The following HEG1 variants were observed in gnomAD, a reference collection of about 807,000 sequenced individuals.
The protein encoded by HEG1 is protein HEG homolog 1.
A neutral mutation model predicts 125.6 loss-of-function variants in HEG1; 56 were observed. That is an observed-to-expected ratio of 0.45 (90% confidence interval 0.36 to 0.56). The LOEUF is 0.56. HEG1 is among the 20% of genes least tolerant of loss of function. HEG1 has a pLI of 0.00. For synonymous variants in HEG1, 644 were observed against 668.5 expected (o/e 0.96, Z 0.57); for missense variants, 1,523 against 1,670.0 (o/e 0.91, Z 1.53).
intron 15 of HEG1, among the ~76,000 whole-genome samples, chr3:124,976,504 T>C (rs1936544050): frequency 6.6e-6 from 1 of 152,092 alleles, no homozygotes; most frequent in Admixed American, 6.6e-5. Flanking sequence ...TCTATTTTTT[T>C]TTTTTTTAAT....
chr3:125,011,056 A>T (rs1937150905), intron 6 of HEG1, among the ~76,000 whole-genome samples: 1 of 152,146 alleles, frequency 6.6e-6, no homozygotes, highest in South Asian at 2.1e-4. Flanking sequence ...CAAAATCTCC[A>T]AATGTAACTC....
Position 124,968,069 on chromosome 3 carries a change from G to A in HEG1, c.*2583C>T, listed in dbSNP as rs1441810019. On this transcript the variant is annotated 3_prime_UTR_variant, in exon 17 of 17. Transcript: ENST00000311127. ...TCCTCTCACCTTCCCCCATCTGTGG[G>A]ATATTGGTGCAGGATTGTGGCATCT... is the stretch of plus-strand genomic sequence containing the variant. 1 of 152,480 alleles carries A rather than the reference G, an allele frequency of 6.6e-6. No individual in the cohort carries two copies. The highest frequency in any genetic ancestry group is 1.5e-5 in the Non-Finnish European group (1 of 68,266). The allele number at this position is 152,480 out of a possible 1,614,324, so 9.4% of individuals were successfully genotyped here. A position where few individuals can be genotyped will look rare whatever the true frequency, so the allele number is the denominator to read the frequency against.
intron 1 of HEG1, among the ~76,000 whole-genome samples, chr3:125,050,163 A>C (rs889332368): frequency 5.4e-5 from 4 of 74,460 alleles, no homozygotes; most frequent in African/African-American, 2.1e-4. Context: ...TTTTTTTTTG[A>C]GATGAAGTCT....
rs909444426 is a variant in HEG1 at position 125,009,729 on chromosome 3, A to G, written c.3169T>C (p.Leu1057=). ...CCCAAATTGCATATCCCTTTTTCCA[A>G]CTGGTACCCAACCGGGCATTTGCAG... ...FICKCPVGYQ[L]EKGICNLVRT... The change falls in exon 8 of 17, where the codon TTG becomes CTG. Residue 1057 remains leucine, a synonymous_variant. Coordinates refer to ENST00000311127, the MANE Select transcript of HEG1 (RefSeq NM_020733.2). 7 of 1,613,240 alleles carry G rather than the reference A, an allele frequency of 4.3e-6. No homozygotes were observed. Among genetic ancestry groups the G allele is most frequent in the African/African-American group, 2.7e-5 (2 of 74,908 alleles).
intron 14 of HEG1, among the ~76,000 whole-genome samples, chr3:124,983,624 C>T (rs767311774): frequency 2.0e-5 from 3 of 151,952 alleles, no homozygotes; most frequent in African/African-American, 4.8e-5. Flanking sequence ...TGTGAGCCAC[C>T]GCACTCAGAC....
At chr3:125,014,885 G>T (rs1315687454) in intron 5 of HEG1, 9 of 1,289,762 alleles carry the variant, frequency 7.0e-6, no homozygotes, top group Non-Finnish European at 9.1e-6. Context: ...ACCGCAGTGT[G>T]CGTTCCCCGT....
At chr3:125,000,035 C>T (rs985654643) in intron 11 of HEG1, among the ~76,000 whole-genome samples, 1 of 152,158 alleles carries the variant, frequency 6.6e-6, no homozygotes, top group Admixed American at 6.5e-5. Flanking sequence ...TCAAGGCCAC[C>T]TCTCTAGTAC....
At chr3:124,988,220 T>C (rs1936775592) in intron 14 of HEG1, among the ~76,000 whole-genome samples, 1 of 151,844 alleles carries the variant, frequency 6.6e-6, no homozygotes, top group Non-Finnish European at 1.5e-5. Flanking sequence ...AGGCAGCCCC[T>C]TTAAGGCATA....
chr3:125,007,246 ACGTAGATCTATT>A (rs1309235861), intron 8 of HEG1, among the ~76,000 whole-genome samples: 1 of 151,512 alleles, frequency 6.6e-6, no homozygotes, highest in African/African-American at 2.4e-5. Context: ...AATGTCAGGT[ACGTAGATCTATT>A]CTGAGTCAGG....
At chr3:124,977,975 TTGGCTGGAGGTAATGAAGGAATGAGTG>T in intron 14 of HEG1, 29 bp from the exon 15 acceptor site, 1 of 1,496,990 alleles carries the variant, frequency 6.7e-7, no homozygotes, top group Admixed American at 2.0e-5. Flanking sequence ...AAAAAGCATA[TTGGCTGGAGGTAATGAAGGAATGAGTG>T]AGTTCTCAAG....
rs1362453339 is a variant in HEG1 at position 125,055,768 on chromosome 3, C to T, written c.123G>A (p.Ala41=). The T allele has an allele frequency of 3.0e-6, 3 of 1,000,612 alleles. No homozygotes were observed. In the African/African-American group the frequency reaches 5.3e-5, roughly 18 times the overall value. The allele number at this position is 1,000,612 out of a possible 1,614,324, so 62.0% of individuals were successfully genotyped here. A position where few individuals can be genotyped will look rare whatever the true frequency, so the allele number is the denominator to read the frequency against. ...CTCCCGCGAGGGGCGCCAGGCTCAG[C>T]GCGCGGCGAGCCGGGGAAGGCGGCG... ...RDPPPSPARR[A]LSLAPLAGAG... is the part of the protein sequence containing the mutation. The change falls in exon 1 of 17, where the codon GCG becomes GCA. Residue 41 remains alanine (A), a synonymous_variant. Coordinates refer to ENST00000311127, the MANE Select transcript of HEG1 (RefSeq NM_020733.2).
chr3:125,041,538 T>A (rs1353725917), intron 1 of HEG1, among the ~76,000 whole-genome samples: 1 of 152,140 alleles, frequency 6.6e-6, no homozygotes, highest in Admixed American at 6.5e-5. Flanking sequence ...TGGAAAACAG[T>A]ATGGCGGTTC....
intron 11 of HEG1, 26 bp from the exon 12 acceptor site, chr3:124,997,849 A>C: frequency 2.6e-6 from 4 of 1,546,512 alleles, no homozygotes; most frequent in Middle Eastern, 1.7e-4. Flanking sequence ...AAGACAGTGA[A>C]ACAAAACAAA....
At chr3:125,009,661 T>C in intron 8 of HEG1, 44 bp downstream of exon 8, 2 of 1,549,736 alleles carry the variant, frequency 1.3e-6, no homozygotes, top group Non-Finnish European at 1.8e-6. Context: ...TTGTAAAATA[T>C]ATTGTGGTAC....
chr3:125,040,327 G>A (rs1385187920), intron 1 of HEG1, among the ~76,000 whole-genome samples: 1 of 152,144 alleles, frequency 6.6e-6, no homozygotes, highest in African/African-American at 2.4e-5. Context: ...TGACAGAGAC[G>A]CAGATGACAA....
chr3:125,005,186 G>T, intron 9 of HEG1, 79 bp downstream of exon 9: 1 of 820,880 alleles, frequency 1.2e-6, no homozygotes, highest in Non-Finnish European at 2.0e-6. Flanking sequence ...ACAGCTGACC[G>T]CTAGGCAGTC....
Position 125,007,918 on chromosome 3 carries a change from T to TC in HEG1, c.3193+1786_3193+1787insG, listed in dbSNP as rs552783852. ...TTATTAGAATAAAAGAAATTCTTTTTTTTTTTTTTGAGACAGAGTCTCACT... is the reference window on the plus strand; with the variant it reads ...TTATTAGAATAAAAGAAATTCTTTTTCTTTTTTTTTGAGACAGAGTCTCACT... On this transcript the variant is annotated intron_variant, in intron 8 of 16. Transcript: ENST00000311127. Among the ~76,000 whole-genome samples, 348 of 152,266 alleles carry TC rather than the reference T, an allele frequency of 2.3e-3. 2 individuals carry two copies. Among genetic ancestry groups the TC allele is most frequent in the African/African-American group, 7.9e-3 (327 of 41,564 alleles).
chr3:125,006,029 T>C (rs532709308), intron 8 of HEG1, among the ~76,000 whole-genome samples: 4 of 152,346 alleles, frequency 2.6e-5, no homozygotes, highest in African/African-American at 2.4e-5. Flanking sequence ...ACCACTGGCA[T>C]TGGAGCGTAT....
chr3:124,969,256 GA>G lies in HEG1; in HGVS notation c.*1395del, dbSNP rs1357450121. Reference sequence around the variant, plus strand: ...CACAGTTCCCCAGGTGGCAATTAAAGACACCGAGTACTGGATGTCTCCCTGG... The same window carrying G: ...CACAGTTCCCCAGGTGGCAATTAAAGCACCGAGTACTGGATGTCTCCCTGG... On this transcript the variant is annotated 3_prime_UTR_variant, in exon 17 of 17. Coordinates refer to ENST00000311127, the MANE Select transcript of HEG1 (RefSeq NM_020733.2). 1 of 152,138 alleles carries G rather than the reference GA, an allele frequency of 6.6e-6. No individual in the cohort carries two copies. 9.4% of individuals were successfully genotyped at this position (152,138 alleles called of 1,614,324 possible).
Sources: gnomAD v4.1 joint callset for allele counts (sites outside exome capture counted in the v4.1 genomes callset) on GRCh38, gnomAD v4.1.1 for gene constraint, MANE v1.5 for transcripts, NCBI Gene and HGNC (gene_info 2026-07-23, HGNC 2026-07-21) for gene names.